The following KIF26B variants were observed in gnomAD, a reference collection of about 807,000 sequenced individuals.
KIF26B encodes the protein kinesin family member 26B, also known as kinesin-like protein KIF26B.
KIF26B carries 63 observed loss-of-function variants against 151.2 expected under a neutral mutation model. That is an observed-to-expected ratio of 0.42 (90% CI 0.34 to 0.51). KIF26B has a LOEUF of 0.51. Among genes scored for constraint, KIF26B ranks in the 20% least tolerant of loss-of-function variants. The pLI is 0.07. For missense variants in KIF26B, 2,813 were observed against 2,913.6 expected (o/e 0.97, Z 0.79); for synonymous variants, 1,357 against 1,262.1 (o/e 1.08, Z -1.59).
At chr1:245,246,380 C>T (rs1157886330) in intron 2 of KIF26B, among the ~76,000 whole-genome samples, 1 of 152,214 alleles carries the variant, frequency 6.6e-6, no homozygotes, top group African/African-American at 2.4e-5. Context: ...GCATCAACAG[C>T]AAGGTGAATA....
intron 2 of KIF26B, among the ~76,000 whole-genome samples, chr1:245,307,266 A>G (rs1396947815): frequency 6.6e-6 from 1 of 152,228 alleles, no homozygotes; most frequent in Non-Finnish European, 1.5e-5. Context: ...CATATGCCGG[A>G]CCGTGACAAA....
intron 4 of KIF26B, among the ~76,000 whole-genome samples, chr1:245,521,103 C>T (rs978636047): frequency 2.6e-5 from 4 of 152,082 alleles, no homozygotes; most frequent in African/African-American, 4.8e-5. Flanking sequence ...TTTGGGAGGC[C>T]GAGGCGGGCG....
chr1:245,220,328 T>C (rs1669739072), intron 2 of KIF26B, among the ~76,000 whole-genome samples: 1 of 152,120 alleles, frequency 6.6e-6, no homozygotes, highest in African/African-American at 2.4e-5. Flanking sequence ...CCTGTGGGCT[T>C]TTAAGGTAAG....
At chr1:245,623,159 C>T (rs2043684660) in intron 9 of KIF26B, among the ~76,000 whole-genome samples, 1 of 150,306 alleles carries the variant, frequency 6.7e-6, no homozygotes, top group African/African-American at 2.4e-5. Context: ...ATGAAACCGT[C>T]CTCAATCAAG....
At chr1:245,194,192 G>A (rs1256590073) in intron 2 of KIF26B, among the ~76,000 whole-genome samples, 3 of 152,096 alleles carry the variant, frequency 2.0e-5, no homozygotes, top group Non-Finnish European at 4.4e-5. Context: ...GTTCAGGTTT[G>A]GAGAGGCCTA....
chr1:245,385,309 T>C (rs939216411), intron 3 of KIF26B, among the ~76,000 whole-genome samples: 2 of 152,208 alleles, frequency 1.3e-5, no homozygotes, highest in African/African-American at 4.8e-5. Flanking sequence ...AAGTGGAAAA[T>C]AGACCAGTGC....
intron 4 of KIF26B, among the ~76,000 whole-genome samples, chr1:245,530,307 G>A (rs1397443639): frequency 1.3e-5 from 2 of 152,260 alleles, no homozygotes; most frequent in East Asian, 3.9e-4. Context: ...GAACTACCAC[G>A]CAATCTAGCA....
Position 245,686,409 on chromosome 1 carries a change from T to A in KIF26B, c.3426T>A (p.Ala1142=). 6.2e-7 allele frequency: 1 copy of A among 1,613,474 alleles called. No individual in the cohort carries two copies. Among genetic ancestry groups the A allele is most frequent in the Non-Finnish European group, 8.5e-7 (1 of 1,179,896 alleles). Residue 1142 remains alanine (A), a synonymous_variant, in exon 12 of 15, where the codon GCT becomes GCA. Transcript: ENST00000407071. This position sits in a 1 kb window ranked among gnomAD's most constrained non-coding sequence, Gnocchi z 5.6. The stretch of plus-strand genomic sequence containing the variant: ...AGGTTTTGAAAAAATCCATGTCTGC[T>A]GGGAGCGAAGGGTTCCCGGAAACTC... ...SPQVLKKSMS[A]GSEGFPETPV... is the part of the protein sequence containing the mutation.
chr1:245,559,562 C>T (rs2042917200), intron 5 of KIF26B, among the ~76,000 whole-genome samples: 1 of 151,850 alleles, frequency 6.6e-6, no homozygotes, highest in South Asian at 2.1e-4. Context: ...CAGGCGCACG[C>T]CCCCACACCT....
intron 10 of KIF26B, among the ~76,000 whole-genome samples, chr1:245,670,830 C>A (rs2044277877): frequency 6.6e-6 from 1 of 152,178 alleles, no homozygotes; most frequent in South Asian, 2.1e-4. Context: ...TCCATCCCCT[C>A]AAGCATTTAT....
Position 245,365,518 on chromosome 1 carries a change from C to T in KIF26B, c.466-1316C>T, listed in dbSNP as rs552897885. On this transcript the variant is annotated intron_variant, in intron 2 of 14. Coordinates refer to ENST00000407071, the MANE Select transcript of KIF26B (RefSeq NM_018012.4). Reference sequence around the variant, plus strand: ...CCCCGTCACTGCCTCACAACTCCCCCCCACCAGCCTACAGCTCAGCAAACC... The same window carrying T: ...CCCCGTCACTGCCTCACAACTCCCCTCCACCAGCCTACAGCTCAGCAAACC... Among the ~76,000 whole-genome samples the T allele has an allele frequency of 1.0e-3, 151 of 151,202 alleles. 2 individuals carry two copies. Among genetic ancestry groups the T allele is most frequent in the African/African-American group, 3.1e-3 (128 of 40,754 alleles).
At chr1:245,464,903 C>G (rs1207166279) in intron 4 of KIF26B, among the ~76,000 whole-genome samples, 2 of 151,842 alleles carry the variant, frequency 1.3e-5, no homozygotes, top group Non-Finnish European at 1.5e-5. Flanking sequence ...GGCCGGGGTT[C>G]GAATGCACAG....
At chr1:245,395,193 T>C (rs887451325) in intron 3 of KIF26B, among the ~76,000 whole-genome samples, 5 of 152,190 alleles carry the variant, frequency 3.3e-5, no homozygotes, top group African/African-American at 1.2e-4. Flanking sequence ...GTGAGTAGAT[T>C]TGAGTGCATG....
At chr1:245,611,430 T>C (rs1334690582) in intron 8 of KIF26B, among the ~76,000 whole-genome samples, 2 of 152,142 alleles carry the variant, frequency 1.3e-5, no homozygotes, top group African/African-American at 4.8e-5. Flanking sequence ...TCGCTCCTGT[T>C]TTCTTAGGTA....
Position 245,488,677 on chromosome 1 carries a change from C to G in KIF26B, c.1167-52090C>G, listed in dbSNP as rs1421505807. Among the ~76,000 whole-genome samples the G allele has an allele frequency of 6.6e-6, 1 of 152,052 alleles. No homozygotes were observed. Among genetic ancestry groups the G allele is most frequent in the East Asian group, 1.9e-4 (1 of 5,198 alleles). On this transcript the variant is annotated intron_variant, in intron 4 of 14. Coordinates refer to ENST00000407071, the MANE Select transcript of KIF26B (RefSeq NM_018012.4). This position sits in a 1 kb window ranked among gnomAD's most constrained non-coding sequence, Gnocchi z 4.6. Reference sequence around the variant, plus strand: ...TTTTGATGAACTGAAGACTGGGGTCCGGGTTGTAATGGAGACTTAGAGTTG... The same window carrying G: ...TTTTGATGAACTGAAGACTGGGGTCGGGGTTGTAATGGAGACTTAGAGTTG...
rs777135793 is a variant in KIF26B at position 245,684,392 on chromosome 1, G to T, written c.2418G>T (p.Thr806=). ...TCTTGAGGATGAAGAAAAAGAAGAC[G>T]AAGGTAAGGAGCTCGCGGGGTGGGG... The part of the protein sequence containing the change: ...SRVLRMKKKK[T]KYTSSSSGGE... Residue 806 remains threonine, a synonymous_variant, in exon 11 of 15, where the codon ACG becomes ACT. Transcript: ENST00000407071. 6.3e-7 allele frequency: 1 copy of T among 1,599,674 alleles called. No homozygotes were observed. The highest frequency in any genetic ancestry group is 1.7e-5 in the Admixed American group (1 of 58,744).
At chr1:245,676,805 G>A (rs138510275) in intron 10 of KIF26B, among the ~76,000 whole-genome samples, 1 of 152,322 alleles carries the variant, frequency 6.6e-6, no homozygotes, top group Non-Finnish European at 1.5e-5. Flanking sequence ...GGGCTCTCAT[G>A]AATGCTCATC....
At chr1:245,662,688 CAATATATATATAA>C (rs748954112) in intron 10 of KIF26B, among the ~76,000 whole-genome samples, 21,392 of 71,946 alleles carry the variant, frequency 0.3, 4,998 homozygotes, top group East Asian at 0.65. Context: ...CATATATATA[CAATATATATATAA>C]ACCCAATGAT....
chr1:245,556,299 CCCTCCT>C (rs1193904040), intron 5 of KIF26B, among the ~76,000 whole-genome samples: 1 of 146,468 alleles, frequency 6.8e-6, no homozygotes, highest in African/African-American at 2.6e-5. Flanking sequence ...CCTCCTTCCT[CCCTCCT>C]CCTCCTCCTT....
Sources: gnomAD v4.1 joint callset for allele counts (sites outside exome capture counted in the v4.1 genomes callset) on GRCh38, gnomAD v4.1.1 for gene constraint, Gnocchi (gnomAD v3.1) non-coding constraint, MANE v1.5 for transcripts, NCBI Gene and HGNC (gene_info 2026-07-23, HGNC 2026-07-21) for gene names.